Variants in RUNX1T1 observed in about 807,000 individuals in gnomAD.
The protein encoded by RUNX1T1 is RUNX1 partner transcriptional co-repressor 1, also known as protein CBFA2T1.
In RUNX1T1, 4 loss-of-function variants were observed where a neutral mutation model predicts 62.8. That is an observed-to-expected ratio of 0.06 (90% confidence interval 0.03 to 0.15). RUNX1T1 has a LOEUF of 0.15. RUNX1T1 is among the 10% of genes least tolerant of loss of function. The pLI is 1.00. For synonymous variants in RUNX1T1, 291 were observed against 286.0 expected, an observed-to-expected ratio of 1.02 and a Z score of -0.18; for missense variants, 508 against 754.3, an observed-to-expected ratio of 0.67 and a Z score of 3.82.
chr8:92,025,313 T>A (rs978182744), intron 1 of RUNX1T1, among the ~76,000 whole-genome samples: 1 of 152,208 alleles, frequency 6.6e-6, no homozygotes, highest in Non-Finnish European at 1.5e-5. Context: ...TAACAGGACA[T>A]AGAAAGACCT....
intron 2 of RUNX1T1, among the ~76,000 whole-genome samples, chr8:92,070,781 T>C (rs1036319907): frequency 7.2e-5 from 11 of 152,240 alleles, no homozygotes; most frequent in African/African-American, 2.7e-4. Context: ...CTATTAACAT[T>C]AATGGGAGGC....
At chr8:92,069,467 T>C (rs1239469926) in intron 2 of RUNX1T1, among the ~76,000 whole-genome samples, 1 of 152,148 alleles carries the variant, frequency 6.6e-6, no homozygotes, top group Non-Finnish European at 1.5e-5. Flanking sequence ...CTTTCATCTC[T>C]AATAAATTCT....
intron 5 of RUNX1T1, among the ~76,000 whole-genome samples, chr8:91,998,963 T>C (rs971294816): frequency 4.6e-5 from 7 of 152,240 alleles, no homozygotes; most frequent in African/African-American, 1.7e-4. Flanking sequence ...GCATTAAGTT[T>C]AATTTGAATT....
chr8:91,986,367 T>G (rs1563677417), intron 7 of RUNX1T1, 42 bp from the exon 9 acceptor site: 1 of 1,480,170 alleles, frequency 6.8e-7, no homozygotes, highest in Non-Finnish European at 9.4e-7. Flanking sequence ...ATATAAATCA[T>G]CACAATTAAA....
At chr8:91,971,351 G>A (rs1812787040) in intron 9 of RUNX1T1, among the ~76,000 whole-genome samples, 1 of 152,194 alleles carries the variant, frequency 6.6e-6, no homozygotes, top group African/African-American at 2.4e-5. Flanking sequence ...TTTCCACAAT[G>A]CTATAAGTTA....
chr8:91,970,824 C>A (rs554387102), exon 10 of RUNX1T1: 1 of 1,610,288 alleles, frequency 6.2e-7, no homozygotes, highest in South Asian at 1.1e-5. Context: ...CATCGCCTGG[C>A]GCTTCACCTC....
upstream of RUNX1T1, among the ~76,000 whole-genome samples, chr8:92,101,027 C>G (rs1208082152): frequency 2.0e-5 from 3 of 152,182 alleles, no homozygotes; most frequent in East Asian, 5.8e-4. Flanking sequence ...AGAAGCTGGT[C>G]AATTTGTATT....
At chr8:92,018,195 T>C (rs752483928) in intron 1 of RUNX1T1, among the ~76,000 whole-genome samples, 10 of 152,216 alleles carry the variant, frequency 6.6e-5, no homozygotes, top group Non-Finnish European at 1.0e-4. Context: ...AAGTATACTT[T>C]TCCCTTGACA....
chr8:92,099,659 T>G, exon 1 of RUNX1T1: 1 of 985,416 alleles, frequency 1.0e-6, no homozygotes, highest in South Asian at 4.7e-5. Context: ...TTCAGACTGC[T>G]TTGCTATGAA....
intron 2 of RUNX1T1, among the ~76,000 whole-genome samples, chr8:92,070,344 ATATATT>A (rs1477044404): frequency 6.6e-6 from 1 of 152,222 alleles, no homozygotes; most frequent in Non-Finnish European, 1.5e-5. Context: ...GTGGCTTAAA[ATATATT>A]TATATGTTTT....
chr8:92,099,429 A>G (rs556946408), intron 1 of RUNX1T1, among the ~76,000 whole-genome samples: 2 of 152,348 alleles, frequency 1.3e-5, no homozygotes, highest in African/African-American at 4.8e-5. Flanking sequence ...AATAACTTCT[A>G]TAAAGCCAGA....
intron 9 of RUNX1T1, among the ~76,000 whole-genome samples, chr8:91,973,106 T>C (rs1476679006): frequency 2.0e-5 from 3 of 151,990 alleles, no homozygotes; most frequent in Non-Finnish European, 2.9e-5. Context: ...TAAATAATAG[T>C]CTTCTATCAG....
At chr8:92,081,657 T>A (rs1160490998) in intron 1 of RUNX1T1, among the ~76,000 whole-genome samples, 2 of 150,766 alleles carry the variant, frequency 1.3e-5, no homozygotes, top group Non-Finnish European at 2.9e-5. Context: ...ATCTGTTCCA[T>A]GCCAGCAATT....
chr8:92,052,780 A>G (rs894306545), intron 1 of RUNX1T1, among the ~76,000 whole-genome samples: 1 of 152,178 alleles, frequency 6.6e-6, no homozygotes, highest in Non-Finnish European at 1.5e-5. Flanking sequence ...CTGGTGAGGC[A>G]GACACTGTTG....
chr8:92,056,675 C>G (rs1486458118), intron 1 of RUNX1T1, among the ~76,000 whole-genome samples: 3 of 151,620 alleles, frequency 2.0e-5, no homozygotes, highest in African/African-American at 7.3e-5. Context: ...TAAGAATGTA[C>G]TCATCTACTG....
At chr8:91,979,774 T>C (rs1045654253) in intron 8 of RUNX1T1, 2 of 516,370 alleles carry the variant, frequency 3.9e-6, no homozygotes, top group African/African-American at 1.9e-5. Context: ...GCACTACACT[T>C]ACGACAGGAT....
chr8:92,047,551 T>C (rs184047781), intron 1 of RUNX1T1, among the ~76,000 whole-genome samples: 1 of 152,216 alleles, frequency 6.6e-6, no homozygotes, highest in Non-Finnish European at 1.5e-5. Context: ...GGGCAAAAAA[T>C]GTTGCCTGTT....
exon 11 of RUNX1T1, chr8:91,959,067 A>G (rs2130378228): frequency 4.7e-6 from 1 of 213,882 alleles, no homozygotes; most frequent in African/African-American, 2.3e-5. Context: ...AAATGTGGGC[A>G]TATGGTTAAA....
At chr8:92,078,498 A>G (rs1834763878) in intron 1 of RUNX1T1, among the ~76,000 whole-genome samples, 1 of 152,152 alleles carries the variant, frequency 6.6e-6, no homozygotes, top group East Asian at 1.9e-4. Context: ...GAAAAGTTTA[A>G]AAGCTAAGCT....
Sources: gnomAD v4.1 joint callset for allele counts (sites outside exome capture counted in the v4.1 genomes callset) on GRCh38, gnomAD v4.1.1 for gene constraint, MANE v1.5 for transcripts, NCBI Gene and HGNC (gene_info 2026-07-23, HGNC 2026-07-21) for gene names.